Variants in LRRC28 observed in about 807,000 individuals in gnomAD.
LRRC28 encodes the protein leucine-rich repeat-containing protein 28.
A neutral mutation model predicts 45.7 loss-of-function variants in LRRC28; 39 were observed. That is an observed-to-expected ratio of 0.85 (90% CI 0.66 to 1.12). The LOEUF (loss-of-function observed/expected upper bound fraction) is 1.12, where lower values mean the gene tolerates loss of function less well. LRRC28 is among the 50% of genes most tolerant of loss of function. The probability of loss-of-function intolerance (pLI) is 0.00; values close to 1 mark genes in which losing one functional copy is unlikely to be tolerated. For missense variants in LRRC28, 435 were observed against 438.5 expected (o/e 0.99, Z 0.07); for synonymous variants, 206 against 178.8 (o/e 1.15, Z -1.22).
intron 5 of LRRC28, chr15:99,297,181 C>CAA (rs71149459): frequency 0.094 from 9,675 of 103,308 alleles, 449 homozygotes; most frequent in Middle Eastern, 0.1. Context: ...AACTCTGTCT[C>CAA]AAAAAAAAAA....
intron 5 of LRRC28, among the ~76,000 whole-genome samples, chr15:99,325,981 GT>G (rs1955961587): frequency 6.6e-6 from 1 of 152,162 alleles, no homozygotes; most frequent in South Asian, 2.1e-4. Flanking sequence ...AGGCTTGTTG[GT>G]TGAGTTCAGG....
At chr15:99,269,860 G>T (rs185932589) in intron 2 of LRRC28, among the ~76,000 whole-genome samples, 67 of 152,330 alleles carry the variant, frequency 4.4e-4, no homozygotes, top group African/African-American at 1.4e-3. Context: ...AAAGGAAAAT[G>T]AGTAATTATT....
At chr15:99,311,361 G>A (rs760897444) in intron 5 of LRRC28, among the ~76,000 whole-genome samples, 9 of 152,046 alleles carry the variant, frequency 5.9e-5, no homozygotes, top group African/African-American at 1.9e-4. Flanking sequence ...TTGTGTGTTC[G>A]TTCTCATTCA....
intron 2 of LRRC28, among the ~76,000 whole-genome samples, chr15:99,273,971 C>T (rs905764579): frequency 2.6e-5 from 4 of 152,286 alleles, no homozygotes; most frequent in East Asian, 1.9e-4. Flanking sequence ...TGCCCATAAA[C>T]GGAAGCGTAT....
At chr15:99,356,451 A>G (rs1957049910) in intron 7 of LRRC28, among the ~76,000 whole-genome samples, 1 of 152,232 alleles carries the variant, frequency 6.6e-6, no homozygotes, top group Non-Finnish European at 1.5e-5. Context: ...AACAGAGGAA[A>G]TGTCACTGAA....
At chr15:99,295,538 A>G (rs1027578839) in intron 5 of LRRC28, among the ~76,000 whole-genome samples, 8 of 152,216 alleles carry the variant, frequency 5.3e-5, no homozygotes, top group African/African-American at 1.7e-4. Context: ...CCAATCTTTA[A>G]TACTCGAGAA....
chr15:99,267,829 C>G (rs181438841), intron 2 of LRRC28, among the ~76,000 whole-genome samples: 155 of 152,204 alleles, frequency 1.0e-3, no homozygotes, highest in African/African-American at 3.6e-3. Context: ...TAATGTGAAA[C>G]GGTGATTCCT....
At chr15:99,329,701 C>T (rs1318829874) in intron 5 of LRRC28, among the ~76,000 whole-genome samples, 1 of 152,180 alleles carries the variant, frequency 6.6e-6, no homozygotes, top group Admixed American at 6.5e-5. Flanking sequence ...GAGATCTTCG[C>T]TCTTTGGATA....
intron 8 of LRRC28, among the ~76,000 whole-genome samples, chr15:99,362,821 C>T (rs1029478481): frequency 4.6e-5 from 7 of 152,028 alleles, no homozygotes; most frequent in African/African-American, 1.4e-4. Context: ...GATCTTTGTT[C>T]TTAAAAAATA....
At chr15:99,337,389 G>A (rs1323043158) in intron 6 of LRRC28, among the ~76,000 whole-genome samples, 1 of 152,226 alleles carries the variant, frequency 6.6e-6, no homozygotes, top group African/African-American at 2.4e-5. Context: ...TGGTTGTTGG[G>A]TAGAGAACTG....
chr15:99,373,436 G>C (rs1957540196), intron 9 of LRRC28, among the ~76,000 whole-genome samples: 1 of 151,610 alleles, frequency 6.6e-6, no homozygotes, highest in Admixed American at 6.6e-5. Flanking sequence ...ATATTTATGG[G>C]GTACTTGAGA....
In LRRC28 at chr15:99,319,316, G is replaced by GA. The variant is rs1486936763; in HGVS notation, c.386-14603dup. Among the ~76,000 whole-genome samples the GA allele has an allele frequency of 1.3e-4, 20 of 152,210 alleles. 3 individuals carry two copies. Among genetic ancestry groups the GA allele is most frequent in the African/African-American group, 4.6e-4 (19 of 41,552 alleles). ...CCATCGCTAAAATAAAACATAAAAT[G>GA]AAAATCTGGGTATGTGGTCTCCATG... On this transcript the variant is annotated intron_variant, in intron 5 of 9. Transcript: ENST00000301981.
chr15:99,379,805 A>C (rs1957761762), intron 9 of LRRC28, among the ~76,000 whole-genome samples: 1 of 152,230 alleles, frequency 6.6e-6, no homozygotes, highest in Non-Finnish European at 1.5e-5. Flanking sequence ...TGTACCCAGT[A>C]GTCATTCAGG....
At chr15:99,383,222 G>A (rs562582419) in intron 9 of LRRC28, among the ~76,000 whole-genome samples, 1 of 152,240 alleles carries the variant, frequency 6.6e-6, no homozygotes, top group South Asian at 2.1e-4. Context: ...TTTACTTGGA[G>A]CCAATTGCAT....
At chr15:99,284,600 G>C in intron 3 of LRRC28, 1 of 490,550 alleles carries the variant, frequency 2.0e-6, no homozygotes, top group Non-Finnish European at 4.1e-6. Flanking sequence ...TTCCTGCTAA[G>C]CTTTGTTTCC....
intron 2 of LRRC28, among the ~76,000 whole-genome samples, chr15:99,269,374 T>A (rs1313872573): frequency 6.6e-6 from 1 of 152,168 alleles, no homozygotes; most frequent in East Asian, 1.9e-4. Context: ...AATATGAAGG[T>A]ATGAATTCTG....
intron 1 of LRRC28, among the ~76,000 whole-genome samples, chr15:99,253,230 C>T (rs868000196): frequency 1.7e-4 from 26 of 151,986 alleles, no homozygotes; most frequent in African/African-American, 6.3e-4. Flanking sequence ...AAGAGATTCT[C>T]CTGCCTCAGT....
chr15:99,266,942 A>G (rs7171217), intron 2 of LRRC28, among the ~76,000 whole-genome samples: 96,492 of 151,992 alleles, frequency 0.63, 30,677 homozygotes, highest in Middle Eastern at 0.76. Context: ...TTGGAGATGG[A>G]TGGAGAGTAT....
At chr15:99,369,240 C>T (rs1217471703) in intron 9 of LRRC28, among the ~76,000 whole-genome samples, 1 of 152,034 alleles carries the variant, frequency 6.6e-6, no homozygotes, top group Non-Finnish European at 1.5e-5. Flanking sequence ...TTTATTTCTC[C>T]CAATAATCTC....
Sources: gnomAD v4.1 joint callset for allele counts (sites outside exome capture counted in the v4.1 genomes callset) on GRCh38, gnomAD v4.1.1 for gene constraint, MANE v1.5 for transcripts, NCBI Gene and HGNC (gene_info 2026-07-23, HGNC 2026-07-21) for gene names.